The following FAM120A variants were observed in gnomAD, a reference collection of about 807,000 sequenced individuals.
FAM120A encodes family with sequence similarity 120 member A.
A neutral mutation model predicts 109.7 loss-of-function variants in FAM120A; 15 were observed. That is an observed-to-expected ratio of 0.14 (90% CI 0.09 to 0.21). The LOEUF is 0.21. FAM120A is among the 10% of genes least tolerant of loss of function. The pLI, the probability that FAM120A is intolerant of heterozygous loss-of-function variation, is 1.00. For missense variants in FAM120A, 899 were observed against 1,439.3 expected, an observed-to-expected ratio of 0.62 and a Z score of 6.07; for synonymous variants, 493 against 572.8, an observed-to-expected ratio of 0.86 and a Z score of 1.99.
At chr9:93,529,956 G>A in intron 9 of FAM120A, 2 of 452,428 alleles carry the variant, frequency 4.4e-6, no homozygotes, top group South Asian at 3.1e-5. Flanking sequence ...ACAATATCTG[G>A]TTCCTTTATC....
Position 93,516,093 on chromosome 9 carries a change from G to C in FAM120A, c.1242G>C (p.Glu414Asp). Reference protein sequence around the residue: ...TLDTSGKNLTEQNSYSNIPHE... With the variant: ...TLDTSGKNLTDQNSYSNIPHE... ...ACACGAGCGGGAAGAATCTGACGGA[G>C]CAGAACAGCTACAGCAACATTCCTC... The change falls in exon 7 of 18, where the codon GAG (glutamate) becomes GAC (aspartate). Residue 414 changes from glutamate (E) to aspartate (D), a missense_variant. Glu to Asp is a conservative substitution (Grantham distance 45). This residue lies in a region of FAM120A where 30 missense variants were observed against 32.5 expected (regional missense o/e 0.92). Coordinates refer to ENST00000277165, the MANE Select transcript of FAM120A (RefSeq NM_014612.5). 1.2e-6 allele frequency: 2 copies of C among 1,613,154 alleles called. No homozygotes were observed. The highest frequency in any genetic ancestry group is 1.1e-5 in the South Asian group (1 of 91,000).
intron 7 of FAM120A, among the ~76,000 whole-genome samples, chr9:93,522,219 A>T (rs573584547): frequency 8.9e-4 from 135 of 152,210 alleles, no homozygotes; most frequent in Non-Finnish European, 1.3e-3. Flanking sequence ...TCTTTGTTTT[A>T]TATCTTTTTT....
intron 1 of FAM120A, among the ~76,000 whole-genome samples, chr9:93,460,764 C>T (rs535918208): frequency 6.6e-6 from 1 of 152,296 alleles, no homozygotes; most frequent in South Asian, 2.1e-4. Flanking sequence ...GGATATGAAT[C>T]ACCAGTTACA....
rs767046667 is a variant in FAM120A at position 93,564,466 on chromosome 9, A to G, written c.3283A>G (p.Asn1095Asp). ...SKTCNTNPHL[N>D]ALSTDSACRR... is the part of the protein sequence containing the mutation. ...AACGTGCAATACAAATCCTCATTTA[A>G]ATGCACTAAGTACAGACAGCGCTTG... The change falls in exon 18 of 18, where the codon AAT becomes GAT. Residue 1095 changes from asparagine (N) to aspartate (D), a missense_variant. By Grantham distance (23) the Asn-to-Asp change is conservative (BLOSUM62 1). This residue lies in a region of FAM120A where 170 missense variants were observed against 205.0 expected (regional missense o/e 0.83). Transcript: ENST00000277165. The G allele has an allele frequency of 1.2e-6, 2 of 1,614,262 alleles. No individual in the cohort carries two copies. The highest frequency in any genetic ancestry group is 1.1e-5 in the South Asian group (1 of 91,084).
chr9:93,495,078 G>A (rs1418213038), intron 3 of FAM120A, among the ~76,000 whole-genome samples: 1 of 152,174 alleles, frequency 6.6e-6, no homozygotes, highest in African/African-American at 2.4e-5. Flanking sequence ...CTGCCTACAG[G>A]GGGGCCAGCA....
intron 1 of FAM120A, among the ~76,000 whole-genome samples, chr9:93,457,369 AAT>A (rs968540622): frequency 4.0e-5 from 6 of 151,444 alleles, no homozygotes; most frequent in Non-Finnish European, 8.8e-5. Context: ...TAAGTTATAT[AAT>A]ATATATTATT....
chr9:93,516,757 TA>T (rs1231657451), intron 7 of FAM120A, among the ~76,000 whole-genome samples: 2 of 152,192 alleles, frequency 1.3e-5, no homozygotes, highest in East Asian at 3.8e-4. Flanking sequence ...GAAAGCTGCC[TA>T]GACCCAGGCT....
chr9:93,522,527 C>T (rs1860886864), intron 7 of FAM120A, among the ~76,000 whole-genome samples: 1 of 151,996 alleles, frequency 6.6e-6, no homozygotes, highest in African/African-American at 2.4e-5. Flanking sequence ...GTACTTAATA[C>T]CCAATATTTA....
Position 93,471,141 on chromosome 9 carries a change from G to A in FAM120A, c.475G>A (p.Val159Ile), listed in dbSNP as rs1189435071. Reference sequence around the variant, plus strand: ...ATGAAGTTTTTTTCTCGTTTGCCAGGTTGCACAGAGCATTGAGGATCACCA... The same window carrying A: ...ATGAAGTTTTTTTCTCGTTTGCCAGATTGCACAGAGCATTGAGGATCACCA... Reference protein sequence around the residue: ...RLALIRFHVKVAQSIEDHHQE... With the variant: ...RLALIRFHVKIAQSIEDHHQE... Residue 159 changes from valine to isoleucine, a missense_variant and splice_region_variant, in exon 2 of 18, where the codon GTT becomes ATT. Physicochemically the swap from Val to Ile is conservative, Grantham distance 29 (BLOSUM62 3). Coordinates refer to ENST00000277165, the MANE Select transcript of FAM120A (RefSeq NM_014612.5). The A allele has an allele frequency of 6.2e-7, 1 of 1,613,950 alleles. No homozygotes were observed. Among genetic ancestry groups the A allele is most frequent in the Non-Finnish European group, 8.5e-7 (1 of 1,179,992 alleles).
chr9:93,466,292 TATC>T (rs1858015877), intron 1 of FAM120A, among the ~76,000 whole-genome samples: 1 of 152,206 alleles, frequency 6.6e-6, no homozygotes, highest in Non-Finnish European at 1.5e-5. Flanking sequence ...CATTTATTTA[TATC>T]ATTATGGGCT....
At chr9:93,546,518 G>A (rs927950218) in intron 11 of FAM120A, among the ~76,000 whole-genome samples, 62 of 152,194 alleles carry the variant, frequency 4.1e-4, no homozygotes, top group Non-Finnish European at 8.1e-4. Context: ...CTGGTGCCTC[G>A]TGGCCTGCTG....
intron 5 of FAM120A, among the ~76,000 whole-genome samples, chr9:93,510,114 C>G (rs577192510): frequency 6.6e-6 from 1 of 152,292 alleles, no homozygotes; most frequent in East Asian, 1.9e-4. Flanking sequence ...AACGGCCACT[C>G]ATCTTGCCCT....
intron 5 of FAM120A, among the ~76,000 whole-genome samples, chr9:93,499,638 A>C (rs1460992687): frequency 6.6e-6 from 1 of 152,204 alleles, no homozygotes; most frequent in Non-Finnish European, 1.5e-5. Context: ...AAATAAAAAT[A>C]TTTATAAGCT....
intron 5 of FAM120A, among the ~76,000 whole-genome samples, chr9:93,510,105 A>T (rs543744442): frequency 2.0e-5 from 3 of 152,306 alleles, no homozygotes; most frequent in African/African-American, 7.2e-5. Context: ...ATTGAGTAGA[A>T]CGGCCACTCA....
At position 93,467,965 on chromosome 9, in the gene FAM120A, TCTGCCTCCCAGGTTCAAGAGATTCTC is replaced by T; in HGVS notation, c.475-3168_475-3143del. Among the ~76,000 whole-genome samples the T allele has an allele frequency of 1.3e-5, 2 of 152,156 alleles. 1 individual carries two copies. The highest frequency in any genetic ancestry group is 6.8e-3 in the Middle Eastern group (2 of 294). ...GGTGTGATCTTGACTCACTGCAACC[TCTGCCTCCCAGGTTCAAGAGATTCTC>T]CTGCCTCAGCCTCCCGGGTAGCTGG... is the stretch of plus-strand genomic sequence containing the variant. On this transcript the variant is annotated intron_variant, in intron 1 of 17. Coordinates refer to ENST00000277165, the MANE Select transcript of FAM120A (RefSeq NM_014612.5).
chr9:93,561,708 A>G (rs1862472847), intron 16 of FAM120A, among the ~76,000 whole-genome samples: 1 of 152,162 alleles, frequency 6.6e-6, no homozygotes, highest in South Asian at 2.1e-4. Flanking sequence ...AACATCATTT[A>G]TAATGTTTGC....
chr9:93,467,258 C>CCCCA (rs56698785), intron 1 of FAM120A, among the ~76,000 whole-genome samples: 1 of 49,122 alleles, frequency 2.0e-5, no homozygotes, highest in Non-Finnish European at 4.9e-5. Context: ...CCCCCCCCCC[C>CCCCA]TTTTCCCCCA....
chr9:93,557,467 G>C (rs925762394), intron 13 of FAM120A, among the ~76,000 whole-genome samples: 5 of 152,118 alleles, frequency 3.3e-5, no homozygotes, highest in Non-Finnish European at 7.4e-5. Flanking sequence ...CAACAAAAAA[G>C]GACAAAAATG....
rs1203537693 is a variant in FAM120A, at chr9:93,543,460, C to T, written c.2148C>T (p.Cys716=). ...TGCCCACTCACCTCATGGTGCTCTG[C>T]TGCGTCTTACGGTGGGTGCCATGCA... ...ANVPTHLMVL[C]CVLRYMVQWP... The change falls in exon 11 of 18, where the codon TGC becomes TGT. Residue 716 remains cysteine, a synonymous_variant. Coordinates refer to ENST00000277165, the MANE Select transcript of FAM120A (RefSeq NM_014612.5). 3 of 1,613,898 alleles carry T rather than the reference C, an allele frequency of 1.9e-6. No homozygotes were observed. Among genetic ancestry groups the T allele is most frequent in the Non-Finnish European group, 2.5e-6 (3 of 1,179,906 alleles).
Sources: allele counts gnomAD v4.1 joint callset (sites outside exome capture counted in the v4.1 genomes callset), GRCh38; gene constraint gnomAD v4.1.1; regional missense constraint gnomAD v4.1.1; transcripts MANE v1.5; gene names NCBI Gene and HGNC (gene_info 2026-07-23, HGNC 2026-07-21).